ARHGAP20: variants seen among roughly 807,000 people sequenced by gnomAD.
ARHGAP20 encodes the protein rho GTPase-activating protein 20.
A neutral mutation model predicts 73.7 loss-of-function variants in ARHGAP20; 34 were observed. The ratio of observed to expected loss-of-function variants is 0.46; its 90% CI spans 0.35 to 0.61. The LOEUF (loss-of-function observed/expected upper bound fraction) is 0.61, where lower values mean the gene tolerates loss of function less well. Ranked by LOEUF, ARHGAP20 falls within the 20% of genes least tolerant of loss-of-function variation. The probability of loss-of-function intolerance (pLI) is 0.00; values close to 1 mark genes in which losing one functional copy is unlikely to be tolerated. For synonymous variants in ARHGAP20, 523 were observed against 518.2 expected (o/e 1.01, Z -0.13); for missense variants, 1,314 against 1,420.9 (o/e 0.92, Z 1.21).
intron 2 of ARHGAP20, among the ~76,000 whole-genome samples, chr11:110,645,096 G>C (rs1350878554): frequency 1.3e-5 from 2 of 151,610 alleles, no homozygotes; most frequent in Non-Finnish European, 2.9e-5. Flanking sequence ...TGCAACCTCT[G>C]CCTCCTGGGT....
intron 2 of ARHGAP20, among the ~76,000 whole-genome samples, chr11:110,664,690 T>C (rs546737255): frequency 1.3e-4 from 18 of 135,118 alleles, no homozygotes; most frequent in African/African-American, 5.1e-4. Flanking sequence ...ACTGTGCCAC[T>C]GCACTCCAGC....
At chr11:110,707,199 A>G (rs1950565892) in intron 1 of ARHGAP20, among the ~76,000 whole-genome samples, 1 of 151,994 alleles carries the variant, frequency 6.6e-6, no homozygotes, top group Admixed American at 6.6e-5. Context: ...CCATTCCAAC[A>G]CTCATCCTAT....
At position 110,652,372 on chromosome 11, in the gene ARHGAP20, G is replaced by A. The variant is rs147063778; in HGVS notation, c.189-21580C>T. On this transcript the variant is annotated intron_variant, in intron 2 of 14. Transcript: ENST00000683387. ...CTCCAGTCCTATTCAACATAGTATC[G>A]GAAGTTCTGGCCAGGGTGATCAGGC... Among the ~76,000 whole-genome samples the A allele has an allele frequency of 2.2e-3, 338 of 152,066 alleles. 1 individual carries two copies. Among genetic ancestry groups the A allele is most frequent in the Admixed American group, 5.2e-3 (80 of 15,254 alleles).
chr11:110,675,271 A>G (rs1445367287), intron 2 of ARHGAP20, among the ~76,000 whole-genome samples: 1 of 152,222 alleles, frequency 6.6e-6, no homozygotes, highest in Admixed American at 6.5e-5. Context: ...TAAGGCCCTC[A>G]GACTGACAGA....
intron 2 of ARHGAP20, 41 bp downstream of exon 2, chr11:110,690,506 C>A (rs746006521): frequency 1.3e-6 from 2 of 1,562,082 alleles, no homozygotes; most frequent in East Asian, 2.2e-5. Flanking sequence ...TATAAACTTC[C>A]AAGCACATAC....
intron 2 of ARHGAP20, among the ~76,000 whole-genome samples, chr11:110,672,682 T>C (rs1159120893): frequency 6.6e-6 from 1 of 152,170 alleles, no homozygotes; most frequent in Non-Finnish European, 1.5e-5. Flanking sequence ...TTTTAAGGTG[T>C]CAAGCCAAAA....
intron 2 of ARHGAP20, among the ~76,000 whole-genome samples, chr11:110,671,245 A>T (rs1949821636): frequency 2.0e-5 from 3 of 151,976 alleles, no homozygotes; most frequent in Admixed American, 2.0e-4. Context: ...AAAACCCAAC[A>T]ACATGATCAT....
At chr11:110,687,182 A>T (rs937906235) in intron 2 of ARHGAP20, among the ~76,000 whole-genome samples, 2 of 148,936 alleles carry the variant, frequency 1.3e-5, no homozygotes, top group African/African-American at 2.5e-5. Flanking sequence ...GGCTTAAGTG[A>T]TCCTCCCACC....
intron 9 of ARHGAP20, among the ~76,000 whole-genome samples, chr11:110,598,902 G>C (rs563369379): frequency 2.0e-5 from 3 of 151,206 alleles, no homozygotes; most frequent in Non-Finnish European, 4.4e-5. Context: ...CTGCCCTCCC[G>C]GGTGGAGGTG....
At chr11:110,690,680 C>A (rs369150892) in intron 1 of ARHGAP20, 51 bp from the exon 2 acceptor site, 10 of 1,550,972 alleles carry the variant, frequency 6.4e-6, no homozygotes, top group Non-Finnish European at 8.0e-6. Flanking sequence ...TAAGGCAAGA[C>A]AATGTTGATT....
At chr11:110,613,007 A>T (rs992709922) in intron 6 of ARHGAP20, among the ~76,000 whole-genome samples, 2 of 152,028 alleles carry the variant, frequency 1.3e-5, no homozygotes, top group African/African-American at 2.4e-5. Context: ...AAAGTCTAAA[A>T]TTTTTTCCAT....
At chr11:110,648,238 TAAATATATATATGTAA>T (rs1565457606) in intron 2 of ARHGAP20, among the ~76,000 whole-genome samples, 3 of 80,994 alleles carry the variant, frequency 3.7e-5, no homozygotes, top group Admixed American at 2.3e-4. Flanking sequence ...TATATATATG[TAAATATATATATGTAA>T]ATATATATAT....
rs1468267746 is a variant in ARHGAP20, at chr11:110,578,730, A to G, written c.*640T>C. ...GACAAATACAACCAACAAAACTGAT[A>G]TCATGGTACCCATGGCTTTTGAGTC... is the stretch of plus-strand genomic sequence containing the variant. On this transcript the variant is annotated 3_prime_UTR_variant, in exon 15 of 15. Transcript: ENST00000683387. 1 of 985,456 alleles carries G rather than the reference A, an allele frequency of 1.0e-6. No homozygotes were observed. Among genetic ancestry groups the G allele is most frequent in the African/African-American group, 1.7e-5 (1 of 57,366 alleles). The allele number at this position is 985,456 out of a possible 1,614,324, so 61.0% of individuals were successfully genotyped here. A position where few individuals can be genotyped will look rare whatever the true frequency, so the allele number is the denominator to read the frequency against.
At chr11:110,686,201 T>C (rs1225004373) in intron 2 of ARHGAP20, among the ~76,000 whole-genome samples, 2 of 152,162 alleles carry the variant, frequency 1.3e-5, no homozygotes, top group Admixed American at 1.3e-4. Flanking sequence ...AAATCTGATT[T>C]ATGTAACTTT....
At chr11:110,652,369 A>T (rs1231545331) in intron 2 of ARHGAP20, among the ~76,000 whole-genome samples, 1 of 152,114 alleles carries the variant, frequency 6.6e-6, no homozygotes, top group Non-Finnish European at 1.5e-5. Flanking sequence ...TCAACATAGT[A>T]TCGGAAGTTC....
chr11:110,615,561 G>A lies in ARHGAP20; in HGVS notation c.537C>T (p.Leu179=), dbSNP rs143208895. 157 of 1,611,500 alleles carry A rather than the reference G, an allele frequency of 9.7e-5. No individual in the cohort carries two copies. Among genetic ancestry groups the A allele is most frequent in the Non-Finnish European group, 1.2e-4 (143 of 1,179,050 alleles). ...SPEQKDKWLS[L]LQRYINLEKE... ...GAATACTGAAAAAATACCTCTGAAGGAGAGAGAGCCATTTGTCCTTTTGTT... is the reference window on the plus strand; with the variant it reads ...GAATACTGAAAAAATACCTCTGAAGAAGAGAGAGCCATTTGTCCTTTTGTT... The change falls in exon 5 of 15, where the codon CTC becomes CTT. Residue 179 remains leucine (L), a synonymous_variant. Coordinates refer to ENST00000683387, the MANE Select transcript of ARHGAP20 (RefSeq NM_001384657.1).
Position 110,579,185 on chromosome 11 carries a change from A to C in ARHGAP20, c.*185T>G, listed in dbSNP as rs992111616. The C allele has an allele frequency of 7.8e-7, 1 of 1,286,614 alleles. No individual in the cohort carries two copies. The highest frequency in any genetic ancestry group is 1.5e-5 in the African/African-American group (1 of 67,650). 79.7% of individuals were successfully genotyped at this position (1,286,614 alleles called of 1,614,324 possible). A position where few individuals can be genotyped will look rare whatever the true frequency, so the allele number is the denominator to read the frequency against. ...GCCTCCCAAACACTTAGGTGACAAA[A>C]TTTTTAGCATAAAGTATTTGTCAAG... On this transcript the variant is annotated 3_prime_UTR_variant, in exon 15 of 15. Coordinates refer to ENST00000683387, the MANE Select transcript of ARHGAP20 (RefSeq NM_001384657.1).
At chr11:110,628,727 A>G (rs1357549859) in intron 3 of ARHGAP20, among the ~76,000 whole-genome samples, 4 of 152,194 alleles carry the variant, frequency 2.6e-5, no homozygotes. Context: ...TCACGAAAAC[A>G]TTAAAGTGGA....
chr11:110,608,942 A>G, intron 8 of ARHGAP20, 42 bp downstream of exon 8: 1 of 1,533,688 alleles, frequency 6.5e-7, no homozygotes, highest in South Asian at 1.1e-5. Context: ...AATTATAATT[A>G]AAACACAATC....
Sources: gnomAD v4.1 joint callset for allele counts (sites outside exome capture counted in the v4.1 genomes callset) on GRCh38, gnomAD v4.1.1 for gene constraint, MANE v1.5 for transcripts, NCBI Gene and HGNC (gene_info 2026-07-23, HGNC 2026-07-21) for gene names.